DPEP1: variants seen among roughly 807,000 people sequenced by gnomAD.
The protein encoded by DPEP1 is beta-lactamase.
In DPEP1, 50 loss-of-function variants were observed where a neutral mutation model predicts 42.3. The ratio of observed to expected loss-of-function variants is 1.18; its 90% CI spans 0.94 to 1.50. The LOEUF (loss-of-function observed/expected upper bound fraction) is 1.50. DPEP1 is among the 40% of genes most tolerant of loss of function. DPEP1 has a pLI of 0.00. For missense variants in DPEP1, 663 were observed against 553.0 expected, an observed-to-expected ratio of 1.20 and a Z score of -1.99; for synonymous variants, 297 against 234.0, an observed-to-expected ratio of 1.27 and a Z score of -2.46.
intron 1 of DPEP1, among the ~76,000 whole-genome samples, chr16:89,614,677 C>T (rs575798375): frequency 8.1e-4 from 123 of 152,280 alleles, no homozygotes; most frequent in Middle Eastern, 3.4e-3. Flanking sequence ...CGCCTGTAGT[C>T]CCAGCTACTC....
At chr16:89,624,594 G>A (rs2059484726) in intron 1 of DPEP1, among the ~76,000 whole-genome samples, 1 of 151,944 alleles carries the variant, frequency 6.6e-6, no homozygotes, top group Non-Finnish European at 1.5e-5. Context: ...GAGTGCAGTG[G>A]CGCCATCTCG....
At chr16:89,618,562 A>C (rs1012952169) in intron 1 of DPEP1, among the ~76,000 whole-genome samples, 1 of 152,040 alleles carries the variant, frequency 6.6e-6, no homozygotes, top group African/African-American at 2.4e-5. Context: ...GGGTCTCACT[A>C]TGTTGCCCAG....
At chr16:89,613,953 G>A (rs1349380785) in intron 1 of DPEP1, among the ~76,000 whole-genome samples, 2 of 47,926 alleles carry the variant, frequency 4.2e-5, no homozygotes, top group Non-Finnish European at 1.2e-4. Context: ...GGCAGGGGAC[G>A]AGGCAGCTTC....
In DPEP1 at chr16:89,625,480, A is replaced by G. The variant is rs373169897; in HGVS notation, c.-106-4825A>G. ...GATCCAGTTTCCACGTGAGATCTGGACAAACATTCAAACTCTATCAGGACT... is the reference window on the plus strand; with the variant it reads ...GATCCAGTTTCCACGTGAGATCTGGGCAAACATTCAAACTCTATCAGGACT... On this transcript the variant is annotated intron_variant, in intron 1 of 10. Coordinates refer to ENST00000690203, the MANE Select transcript of DPEP1 (RefSeq NM_001389466.1). Among the ~76,000 whole-genome samples, 8 of 152,194 alleles carry G rather than the reference A, an allele frequency of 5.3e-5. No individual in the cohort carries two copies. The East Asian group carries it at 1.3e-3, about 26-fold the overall frequency.
intron 1 of DPEP1, among the ~76,000 whole-genome samples, chr16:89,614,166 C>G (rs952915926): frequency 6.6e-6 from 1 of 152,074 alleles, no homozygotes; most frequent in Non-Finnish European, 1.5e-5. Flanking sequence ...CTCTCAGACC[C>G]GCCGCTGTCC....
At chr16:89,637,035 T>C in intron 6 of DPEP1, 100 bp downstream of exon 6, 10 of 1,546,108 alleles carry the variant, frequency 6.5e-6, no homozygotes, top group Non-Finnish European at 7.0e-6. Flanking sequence ...CTCAGTGTCC[T>C]TGTCTGTAAA....
At chr16:89,629,753 G>A (rs2059560743) in intron 1 of DPEP1, among the ~76,000 whole-genome samples, 1 of 152,212 alleles carries the variant, frequency 6.6e-6, no homozygotes, top group Admixed American at 6.5e-5. Context: ...TTGGCCTGAA[G>A]CTCTGTAGCT....
chr16:89,631,614 G>A (rs2059589931), intron 2 of DPEP1, among the ~76,000 whole-genome samples: 1 of 152,326 alleles, frequency 6.6e-6, no homozygotes, highest in South Asian at 2.1e-4. Context: ...CCAGCACTTT[G>A]GGAGGCCGAG....
chr16:89,638,239 G>C lies in DPEP1; in HGVS notation c.*17G>C. The C allele has an allele frequency of 6.6e-7, 1 of 1,522,852 alleles. No individual in the cohort carries two copies. The highest frequency in any genetic ancestry group is 8.8e-7 in the Non-Finnish European group (1 of 1,131,084). 94.3% of individuals were successfully genotyped at this position (1,522,852 alleles called of 1,614,324 possible). On this transcript the variant is annotated 3_prime_UTR_variant, in exon 11 of 11. Transcript: ENST00000690203. Reference sequence around the variant, plus strand: ...CTCCTGTGAAACCTGGGAGACCAGAGTCCCCTTTAGGGTTCCCGGAGCTCC... The same window carrying C: ...CTCCTGTGAAACCTGGGAGACCAGACTCCCCTTTAGGGTTCCCGGAGCTCC...
At chr16:89,617,096 C>T (rs763954743) in intron 1 of DPEP1, among the ~76,000 whole-genome samples, 1 of 152,140 alleles carries the variant, frequency 6.6e-6, no homozygotes, top group Non-Finnish European at 1.5e-5. Context: ...GTGAGGGTAG[C>T]ACAGGTCATT....
At chr16:89,632,280 T>C (rs2059598114) in intron 2 of DPEP1, among the ~76,000 whole-genome samples, 2 of 152,170 alleles carry the variant, frequency 1.3e-5, no homozygotes, top group Non-Finnish European at 2.9e-5. Context: ...CTCGAACTCC[T>C]GACCTCAGGT....
Position 89,626,307 on chromosome 16 carries a change from C to T in DPEP1, c.-106-3998C>T, listed in dbSNP as rs551324809. Among the ~76,000 whole-genome samples the T allele has an allele frequency of 1.1e-4, 16 of 152,204 alleles. No individual in the cohort carries two copies. The South Asian group carries it at 2.7e-3, about 26-fold the overall frequency. On this transcript the variant is annotated intron_variant, in intron 1 of 10. Transcript: ENST00000690203. ...CATTCACCCCATGTTCTCGTGGTAG[C>T]GAGAAAGTTCTCACAAGATCTGTTT...
At chr16:89,632,133 T>G (rs2059596181) in intron 2 of DPEP1, among the ~76,000 whole-genome samples, 1 of 152,152 alleles carries the variant, frequency 6.6e-6, no homozygotes. Flanking sequence ...CGCTGCAACC[T>G]CTGCCTCCTG....
At chr16:89,636,745 C>A in intron 5 of DPEP1, 62 bp downstream of exon 5, 1 of 1,603,804 alleles carries the variant, frequency 6.2e-7, no homozygotes, top group Non-Finnish European at 8.5e-7. Context: ...CAGACACTCC[C>A]TGCCACCCTC....
chr16:89,637,449 T>G lies in DPEP1; in HGVS notation c.769-19T>G. The G allele has an allele frequency of 6.2e-7, 1 of 1,612,836 alleles. No individual in the cohort carries two copies. ...GCCCTCCCAGCTCTCAGCTTCACCC[T>G]GTCTTCCTTCTTGTGCAGAAACAGA... On this transcript the variant is annotated intron_variant, in intron 7 of 10. Coordinates refer to ENST00000690203, the MANE Select transcript of DPEP1 (RefSeq NM_001389466.1).
rs537272008 is a variant in DPEP1, at chr16:89,625,243, G to T, written c.-106-5062G>T. ...GCCCCAGGCCTCGCTGTTTTTCCTT[G>T]ATTCAGCACGAATTGGCCTAAGTTC... On this transcript the variant is annotated intron_variant, in intron 1 of 10. Coordinates refer to ENST00000690203, the MANE Select transcript of DPEP1 (RefSeq NM_001389466.1). Among the ~76,000 whole-genome samples, 256 of 152,056 alleles carry T rather than the reference G, an allele frequency of 1.7e-3. 1 individual carries two copies. The highest frequency in any genetic ancestry group is 2.4e-3 in the Non-Finnish European group (161 of 67,976).
intron 9 of DPEP1, 64 bp downstream of exon 9, chr16:89,637,771 G>A (rs1319727941): frequency 6.2e-7 from 1 of 1,612,610 alleles, no homozygotes; most frequent in African/African-American, 1.3e-5. Context: ...TCAGAGGGAT[G>A]AGGTGGCTGG....
At chr16:89,628,307 G>C (rs2059543831) in intron 1 of DPEP1, among the ~76,000 whole-genome samples, 1 of 146,932 alleles carries the variant, frequency 6.8e-6, no homozygotes, top group Admixed American at 6.9e-5. Context: ...GCCCAGGCTG[G>C]AGTGCAATGG....
Position 89,635,897 on chromosome 16 carries a change from G to A in DPEP1, c.105-11G>A, listed in dbSNP as rs767619459. ...GCCCTGACTGCCTGGCCTCTCCCCG[G>A]CAAACTCCAGGCACAATGACCTCCC... On this transcript the variant is annotated splice_polypyrimidine_tract_variant and intron_variant, in intron 2 of 10. Transcript: ENST00000690203. 7 of 1,585,284 alleles carry A rather than the reference G, an allele frequency of 4.4e-6. No homozygotes were observed. The highest frequency in any genetic ancestry group is 6.0e-6 in the Non-Finnish European group (7 of 1,165,462).
Sources: allele counts gnomAD v4.1 joint callset (sites outside exome capture counted in the v4.1 genomes callset), GRCh38; gene constraint gnomAD v4.1.1; transcripts MANE v1.5; gene names NCBI Gene and HGNC (gene_info 2026-07-23, HGNC 2026-07-21).